The following UBE3C variants were observed in gnomAD, a reference collection of about 807,000 sequenced individuals.
UBE3C encodes ubiquitin-protein ligase E3C.
UBE3C carries 42 observed loss-of-function variants against 129.4 expected under a neutral mutation model. The observed-to-expected ratio is 0.32, with a 90% CI of 0.25 to 0.42. The LOEUF (loss-of-function observed/expected upper bound fraction) is 0.42. UBE3C is among the 10% of genes least tolerant of loss of function. UBE3C has a pLI of 1.00. For synonymous variants in UBE3C, 510 were observed against 492.4 expected, an observed-to-expected ratio of 1.04 and a Z score of -0.47; for missense variants, 1,049 against 1,319.1, an observed-to-expected ratio of 0.80 and a Z score of 3.17.
In UBE3C at chr7:157,169,349, A is replaced by C. The variant is rs187504778; in HGVS notation, c.195+227A>C. The stretch of plus-strand genomic sequence containing the variant: ...GGGCCTCACCACAGTTGAAAATCAA[A>C]ATAGAAGGAAGTCATGAGAGATCCT... On this transcript the variant is annotated intron_variant, in intron 3 of 22. Coordinates refer to ENST00000348165, the MANE Select transcript of UBE3C (RefSeq NM_014671.3). 3.8e-4 allele frequency among the ~76,000 whole-genome samples: 58 copies of C among 152,072 alleles called. No homozygotes were observed. In the East Asian group the frequency reaches 9.3e-3, roughly 24 times the overall value.
intron 15 of UBE3C, 181 bp from the exon 16 acceptor site, chr7:157,223,073 G>C (rs950485263): frequency 1.7e-6 from 1 of 588,758 alleles, no homozygotes; most frequent in African/African-American, 1.9e-5. Context: ...GGGAGCTACT[G>C]TGCTGATCCT....
intron 18 of UBE3C, among the ~76,000 whole-genome samples, chr7:157,240,805 G>A (rs748812059): frequency 1.2e-4 from 19 of 152,132 alleles, no homozygotes; most frequent in Non-Finnish European, 2.4e-4. Context: ...CTTAGTTACC[G>A]GTAATGCCAC....
At chr7:157,180,329 GTC>G (rs796944399) in intron 6 of UBE3C, among the ~76,000 whole-genome samples, 14 of 152,224 alleles carry the variant, frequency 9.2e-5, no homozygotes, top group African/African-American at 3.1e-4. Context: ...TTTTAAAAAA[GTC>G]TCTGTGTATT....
At chr7:157,140,212 C>T (rs543078644) in intron 1 of UBE3C, among the ~76,000 whole-genome samples, 1 of 140,928 alleles carries the variant, frequency 7.1e-6, no homozygotes, top group South Asian at 2.4e-4. Flanking sequence ...TAAAATGCTT[C>T]ACCTAGTTTT....
chr7:157,172,434 C>T (rs1055288014), intron 4 of UBE3C, among the ~76,000 whole-genome samples: 4 of 152,138 alleles, frequency 2.6e-5, no homozygotes, highest in African/African-American at 7.2e-5. Flanking sequence ...AAGTCTTCCT[C>T]GCTACAAACC....
At chr7:157,229,131 A>C (rs1795954625) in intron 17 of UBE3C, among the ~76,000 whole-genome samples, 1 of 152,136 alleles carries the variant, frequency 6.6e-6, no homozygotes, top group African/African-American at 2.4e-5. Context: ...TTCATGCAGC[A>C]GCCTGTCCCC....
At chr7:157,214,425 C>T (rs1227731377) in intron 13 of UBE3C, among the ~76,000 whole-genome samples, 1 of 152,112 alleles carries the variant, frequency 6.6e-6, no homozygotes, top group Non-Finnish European at 1.5e-5. Flanking sequence ...GAGCAAGTTA[C>T]CCCCTCAATA....
intron 18 of UBE3C, among the ~76,000 whole-genome samples, chr7:157,246,003 A>AC (rs952056862): frequency 4.6e-5 from 7 of 151,930 alleles, no homozygotes; most frequent in African/African-American, 1.7e-4. Flanking sequence ...AAAAAAAAAA[A>AC]AAAAAAAAAA....
intron 10 of UBE3C, among the ~76,000 whole-genome samples, chr7:157,200,699 A>G (rs1369265405): frequency 6.6e-6 from 1 of 152,062 alleles, no homozygotes; most frequent in African/African-American, 2.4e-5. Context: ...TAGTGGTGCA[A>G]TCTTGGCTCA....
At chr7:157,149,273 C>T (rs373229004) in intron 1 of UBE3C, among the ~76,000 whole-genome samples, 4 of 152,262 alleles carry the variant, frequency 2.6e-5, no homozygotes, top group Non-Finnish European at 5.9e-5. Context: ...TCAGGCTGGT[C>T]TCGAATTCCT....
chr7:157,155,033 C>G (rs1408473854), intron 1 of UBE3C, among the ~76,000 whole-genome samples: 1 of 152,056 alleles, frequency 6.6e-6, no homozygotes, highest in Admixed American at 6.6e-5. Flanking sequence ...TTTGAACTTG[C>G]ATCATCTTGT....
intron 18 of UBE3C, among the ~76,000 whole-genome samples, chr7:157,234,847 C>T (rs572913664): frequency 6.6e-6 from 1 of 152,286 alleles, no homozygotes; most frequent in East Asian, 1.9e-4. Context: ...GCCTACTTCT[C>T]AGTTTCAGCT....
Position 157,160,899 on chromosome 7 carries a change from C to A in UBE3C, c.67-2911C>A, listed in dbSNP as rs77446617. Among the ~76,000 whole-genome samples, 426 of 152,208 alleles carry A rather than the reference C, an allele frequency of 2.8e-3. 3 individuals are homozygous for A. Among genetic ancestry groups the A allele is most frequent in the Admixed American group, 5.8e-3 (88 of 15,282 alleles). The stretch of plus-strand genomic sequence containing the variant: ...TTATGTAAGTATTGAGTCCATGATG[C>A]GTGTTTGTGCGTATAATCCTATGGA... On this transcript the variant is annotated intron_variant, in intron 1 of 22. Transcript: ENST00000348165.
intron 18 of UBE3C, among the ~76,000 whole-genome samples, chr7:157,243,670 G>C (rs1276822960): frequency 2.6e-5 from 4 of 152,194 alleles, no homozygotes; most frequent in African/African-American, 9.7e-5. Flanking sequence ...TAGCTGTGTA[G>C]ACCAAGTGTT....
At chr7:157,178,391 T>C (rs1004931997) in intron 5 of UBE3C, among the ~76,000 whole-genome samples, 1 of 152,250 alleles carries the variant, frequency 6.6e-6, no homozygotes, top group Non-Finnish European at 1.5e-5. Flanking sequence ...ATTATAATAC[T>C]TCTTACAGTG....
chr7:157,239,947 G>A (rs563680979), intron 18 of UBE3C, among the ~76,000 whole-genome samples: 1 of 152,282 alleles, frequency 6.6e-6, no homozygotes, highest in Admixed American at 6.5e-5. Context: ...AGGATGGGAA[G>A]AGCAGTGTTC....
At chr7:157,209,024 C>G (rs1329449098) in intron 13 of UBE3C, among the ~76,000 whole-genome samples, 3 of 152,194 alleles carry the variant, frequency 2.0e-5, no homozygotes, top group African/African-American at 7.2e-5. Context: ...GTCAAGCTAT[C>G]TATTTAATTG....
At chr7:157,230,962 A>G in intron 17 of UBE3C, 118 bp from the exon 18 acceptor site, 1 of 1,370,290 alleles carries the variant, frequency 7.3e-7, no homozygotes, top group Non-Finnish European at 1.0e-6. Context: ...TTTGAGTCCT[A>G]TGTTAAAATG....
intron 22 of UBE3C, among the ~76,000 whole-genome samples, chr7:157,265,198 G>A (rs1000561058): frequency 3.3e-5 from 5 of 152,200 alleles, no homozygotes; most frequent in African/African-American, 9.6e-5. Context: ...AGAGAGTTTC[G>A]TGTACACGTG....
Sources: gnomAD v4.1 joint callset for allele counts (sites outside exome capture counted in the v4.1 genomes callset) on GRCh38, gnomAD v4.1.1 for gene constraint, MANE v1.5 for transcripts, NCBI Gene and HGNC (gene_info 2026-07-23, HGNC 2026-07-21) for gene names.